Variants in TET2 observed in about 807,000 individuals in gnomAD.
TET2 encodes the protein methylcytosine dioxygenase TET2.
TET2 carries 299 observed loss-of-function variants against 142.9 expected under a neutral mutation model. That is an observed-to-expected ratio of 2.09 (90% CI 1.90 to 2.30). TET2 has a LOEUF of 2.30. Among genes scored for constraint, TET2 ranks in the 30% most tolerant of loss-of-function variants. TET2 has a pLI of 0.00. For missense variants in TET2, 2,418 were observed against 2,378.0 expected (o/e 1.02, Z -0.35); for synonymous variants, 819 against 849.0 (o/e 0.96, Z 0.61).
chr4:105,212,314 G>A (rs72955179), intron 2 of TET2, among the ~76,000 whole-genome samples: 2,986 of 152,196 alleles, frequency 0.02, 57 homozygotes, highest in African/African-American at 0.047. Context: ...TTCAGATTGA[G>A]GTCCAGCAGA....
intron 1 of TET2, among the ~76,000 whole-genome samples, chr4:105,161,561 T>C (rs1181807096): frequency 6.6e-6 from 1 of 152,216 alleles, no homozygotes; most frequent in Non-Finnish European, 1.5e-5. Flanking sequence ...TTAACAAAAA[T>C]CATCCTATCT....
rs1253504701 is a variant in TET2 at position 105,259,638 on chromosome 4, G to C, written c.3823G>C (p.Gly1275Arg). 1.3e-6 allele frequency: 2 copies of C among 1,550,794 alleles called. No individual in the cohort carries two copies. Among genetic ancestry groups the C allele is most frequent in the South Asian group, 1.2e-5 (1 of 83,982 alleles). Residue 1275 changes from glycine to arginine, a missense_variant, in exon 7 of 11, where the codon GGG becomes CGG. Physicochemically the swap from Gly to Arg is moderately radical, Grantham distance 125 (BLOSUM62 -2). Transcript: ENST00000380013. ...LNEERTCACQ[G>R]LDPETCGASF... ...TTTCAGGAGAACTTGCGCCTGTCAGGGGCTGGATCCAGAAACCTGTGGTGC... is the reference window on the plus strand; with the variant it reads ...TTTCAGGAGAACTTGCGCCTGTCAGCGGCTGGATCCAGAAACCTGTGGTGC...
chr4:105,168,104 T>G (rs1724259232), intron 1 of TET2, among the ~76,000 whole-genome samples: 1 of 152,154 alleles, frequency 6.6e-6, no homozygotes, highest in South Asian at 2.1e-4. Context: ...TTTCCCTGTT[T>G]CTAGCTTTGC....
chr4:105,205,440 A>C (rs1321606546), intron 2 of TET2, among the ~76,000 whole-genome samples: 1 of 152,172 alleles, frequency 6.6e-6, no homozygotes, highest in Non-Finnish European at 1.5e-5. Context: ...AACAGTAAGC[A>C]AATCATTTCT....
intron 2 of TET2, among the ~76,000 whole-genome samples, chr4:105,198,654 T>C (rs529529463): frequency 3.9e-4 from 60 of 152,334 alleles, no homozygotes; most frequent in South Asian, 1.4e-3. Context: ...GCTATTATTA[T>C]CATCTGGAAA....
chr4:105,194,705 C>A (rs778939937), intron 2 of TET2, among the ~76,000 whole-genome samples: 1 of 152,120 alleles, frequency 6.6e-6, no homozygotes, highest in Non-Finnish European at 1.5e-5. Context: ...TAATACAGTG[C>A]TCTTCAAACT....
At chr4:105,201,611 T>G (rs1422694303) in intron 2 of TET2, among the ~76,000 whole-genome samples, 1 of 152,068 alleles carries the variant, frequency 6.6e-6, no homozygotes, top group African/African-American at 2.4e-5. Flanking sequence ...TAAGGACTGC[T>G]AATTATAGAT....
chr4:105,264,002 G>A (rs982486074), intron 8 of TET2, among the ~76,000 whole-genome samples: 5 of 151,958 alleles, frequency 3.3e-5, no homozygotes, highest in Admixed American at 1.3e-4. Context: ...AAAGACTCTC[G>A]TGGGATTAGA....
intron 1 of TET2, among the ~76,000 whole-genome samples, chr4:105,179,468 A>G (rs942591934): frequency 7.9e-5 from 12 of 152,336 alleles, no homozygotes; most frequent in African/African-American, 2.9e-4. Flanking sequence ...TGCAAAGCCT[A>G]CAAGGCAAAT....
chr4:105,275,550 GC>G lies in TET2; in HGVS notation c.5042del (p.Pro1681GlnfsTer14). ...SLPPIHTLYQ[P>X]RFGNSQSFTS... ...TACCACCCATCCATACACTTTACCA[GC>G]CAAGGTTTGGAAATAGCCAGAGTTT... On this transcript the variant is annotated frameshift_variant, in exon 11 of 11. Coordinates refer to ENST00000380013, the MANE Select transcript of TET2 (RefSeq NM_001127208.3). LOFTEE classifies it low-confidence loss of function (END_TRUNC). The G allele has an allele frequency of 6.4e-7, 1 of 1,551,646 alleles. No homozygotes were observed. Among genetic ancestry groups the G allele is most frequent in the South Asian group, 1.2e-5 (1 of 84,062 alleles).
chr4:105,248,766 C>T (rs28394039), intron 6 of TET2, among the ~76,000 whole-genome samples: 12,280 of 152,064 alleles, frequency 0.081, 1,441 homozygotes, highest in African/African-American at 0.26. Context: ...ACGTTTTCAT[C>T]ATTCCCAGAA....
Position 105,275,854 on chromosome 4 carries a change from C to T in TET2, c.5344C>T (p.Leu1782Phe). ...CAACAGCTCTCTTCATGCCCTGCATCTCCAAAACAAGGAGAATGACATGCT... is the reference window on the plus strand; with the variant it reads ...CAACAGCTCTCTTCATGCCCTGCATTTCCAAAACAAGGAGAATGACATGCT... ...MFNSSLHALH[L>F]QNKENDMLSH... is the part of the protein sequence containing the mutation. The change falls in exon 11 of 11, where the codon CTC becomes TTC. Residue 1782 changes from leucine (L) to phenylalanine (F), a missense_variant. Coordinates refer to ENST00000380013, the MANE Select transcript of TET2 (RefSeq NM_001127208.3). The T allele has an allele frequency of 6.4e-7, 1 of 1,551,916 alleles. No homozygotes were observed. Among genetic ancestry groups the T allele is most frequent in the Non-Finnish European group, 8.7e-7 (1 of 1,146,984 alleles).
At position 105,235,166 on chromosome 4, in the gene TET2, C is replaced by T. The variant is rs757242713; in HGVS notation, c.1224C>T (p.Pro408=). 11 of 1,613,722 alleles carry T rather than the reference C, an allele frequency of 6.8e-6. 1 individual carries two copies. The highest frequency in any genetic ancestry group is 6.7e-5 in the African/African-American group (5 of 74,920). The change falls in exon 3 of 11, where the codon CCC becomes CCT. Residue 408 remains proline (P), a synonymous_variant. Coordinates refer to ENST00000380013, the MANE Select transcript of TET2 (RefSeq NM_001127208.3). ...PPPPSQLLLS[P]PPPLPQVPQL... ...CACCATCACAATTGCTTCTTTCTCC[C>T]CCTCCTCCTCTTCCACAGGTTCCTC...
intron 2 of TET2, among the ~76,000 whole-genome samples, chr4:105,216,152 A>T (rs985357263): frequency 3.3e-5 from 5 of 152,112 alleles, no homozygotes; most frequent in Non-Finnish European, 7.4e-5. Context: ...GTATACTTGG[A>T]GTTTGGCTAG....
intron 2 of TET2, among the ~76,000 whole-genome samples, chr4:105,216,900 G>A (rs934202032): frequency 2.6e-5 from 4 of 152,000 alleles, no homozygotes; most frequent in Non-Finnish European, 4.4e-5. Flanking sequence ...TATTTCCTAG[G>A]TAATGTTAAG....
rs745797188 is a variant in TET2 at position 105,236,931 on chromosome 4, C to T, written c.2989C>T (p.Pro997Ser). The change falls in exon 3 of 11, where the codon CCA (proline) becomes TCA (serine). Residue 997 changes from proline to serine, a missense_variant. Pro to Ser is a moderately conservative substitution (Grantham distance 74). Transcript: ENST00000380013. The stretch of plus-strand genomic sequence containing the variant: ...GCCACATGCCTGTATGCACACAGCA[C>T]CACCAGAAAACAAAACATGGAAAAA... ...CKPHACMHTA[P>S]PENKTWKKVT... is the part of the protein sequence containing the mutation. 10 of 1,614,060 alleles carry T rather than the reference C, an allele frequency of 6.2e-6. No individual in the cohort carries two copies. Among genetic ancestry groups the T allele is most frequent in the Non-Finnish European group, 8.5e-6 (10 of 1,180,024 alleles).
intron 2 of TET2, among the ~76,000 whole-genome samples, chr4:105,203,376 A>G (rs924193960): frequency 2.7e-4 from 41 of 152,146 alleles, no homozygotes; most frequent in African/African-American, 2.9e-4. Flanking sequence ...ATTTACTGGG[A>G]AAAAAAGTCA....
chr4:105,189,993 C>G (rs186826593), intron 1 of TET2, among the ~76,000 whole-genome samples: 2 of 152,296 alleles, frequency 1.3e-5, no homozygotes, highest in Admixed American at 1.3e-4. Context: ...AAGTCAGAAT[C>G]TCTGAGCAAA....
chr4:105,192,995 T>TAGTAAAAG (rs1725873301), intron 2 of TET2, among the ~76,000 whole-genome samples: 1 of 152,140 alleles, frequency 6.6e-6, no homozygotes, highest in Non-Finnish European at 1.5e-5. Flanking sequence ...GTAAAAGGTT[T>TAGTAAAAG]TATGCAGAGT....
Sources: allele counts gnomAD v4.1 joint callset (sites outside exome capture counted in the v4.1 genomes callset), GRCh38; gene constraint gnomAD v4.1.1; transcripts MANE v1.5; gene names NCBI Gene and HGNC (gene_info 2026-07-23, HGNC 2026-07-21).